NOVA1: variants seen among roughly 807,000 people sequenced by gnomAD.
NOVA1 encodes the protein NOVA alternative splicing regulator 1.
A neutral mutation model predicts 38.0 loss-of-function variants in NOVA1; 7 were observed. The ratio of observed to expected loss-of-function variants is 0.18; its 90% CI spans 0.10 to 0.35. NOVA1 has a LOEUF of 0.35. Among genes scored for constraint, NOVA1 ranks in the 10% least tolerant of loss-of-function variants. NOVA1 has a pLI of 1.00. For missense variants in NOVA1, 460 were observed against 616.0 expected, an observed-to-expected ratio of 0.75 and a Z score of 2.68; for synonymous variants, 270 against 232.5, an observed-to-expected ratio of 1.16 and a Z score of -1.47.
At chr14:26,506,737 G>A (rs564616415) in intron 2 of NOVA1, among the ~76,000 whole-genome samples, 1 of 152,030 alleles carries the variant, frequency 6.6e-6, no homozygotes, top group South Asian at 2.1e-4. Flanking sequence ...CTGCCACCAC[G>A]CCCAGCTAAT....
chr14:26,488,152 T>C (rs983527550), intron 2 of NOVA1, among the ~76,000 whole-genome samples: 5 of 152,154 alleles, frequency 3.3e-5, no homozygotes, highest in Non-Finnish European at 7.4e-5. Context: ...CTCTCTACTT[T>C]TAAACTGCAA....
chr14:26,546,560 A>G (rs917405010), intron 2 of NOVA1, among the ~76,000 whole-genome samples: 6 of 152,204 alleles, frequency 3.9e-5, no homozygotes, highest in African/African-American at 1.2e-4. Context: ...AAATTCTGCA[A>G]TGAAAAATAT....
At chr14:26,549,384 ATAT>A (rs1891032156) in intron 2 of NOVA1, 1 of 150,062 alleles carries the variant, frequency 6.7e-6, no homozygotes, top group African/African-American at 2.5e-5. Flanking sequence ...AAATCTTATA[ATAT>A]TGATTTGGTT....
At chr14:26,486,351 C>T (rs117604067) in intron 2 of NOVA1, among the ~76,000 whole-genome samples, 1,557 of 152,040 alleles carry the variant, frequency 0.01, 10 homozygotes, top group Non-Finnish European at 0.017. Context: ...TTTGCTGTTT[C>T]TAGTCCTCAG....
At chr14:26,517,269 A>G (rs1290536853) in intron 2 of NOVA1, among the ~76,000 whole-genome samples, 1 of 152,098 alleles carries the variant, frequency 6.6e-6, no homozygotes, top group East Asian at 1.9e-4. Flanking sequence ...TTCTTGAAGT[A>G]CCTGGCTCTT....
intron 2 of NOVA1, among the ~76,000 whole-genome samples, chr14:26,522,430 T>C (rs1325917095): frequency 6.6e-6 from 1 of 152,180 alleles, no homozygotes; most frequent in Non-Finnish European, 1.5e-5. Flanking sequence ...TCAAAAACTA[T>C]TGTTAACATG....
chr14:26,571,061 A>G (rs1892443030), intron 2 of NOVA1, among the ~76,000 whole-genome samples: 1 of 151,062 alleles, frequency 6.6e-6, no homozygotes, highest in Non-Finnish European at 1.5e-5. Context: ...GCTGGTGAAG[A>G]GCAATAATTG....
chr14:26,452,588 G>A (rs1444992205), intron 4 of NOVA1, among the ~76,000 whole-genome samples: 1 of 152,164 alleles, frequency 6.6e-6, no homozygotes, highest in Admixed American at 6.5e-5. Context: ...CTGTATACAT[G>A]GATTCATTTT....
At chr14:26,578,314 C>T (rs187954896) in intron 2 of NOVA1, among the ~76,000 whole-genome samples, 4 of 151,058 alleles carry the variant, frequency 2.6e-5, no homozygotes, top group African/African-American at 7.3e-5. Context: ...ACCGTTAATG[C>T]CATAATTACC....
At chr14:26,589,131 A>G (rs961483697) in intron 2 of NOVA1, among the ~76,000 whole-genome samples, 39 of 151,692 alleles carry the variant, frequency 2.6e-4, no homozygotes, top group African/African-American at 9.2e-4. Flanking sequence ...CTGCTTTACA[A>G]AGACTTCAAA....
intron 2 of NOVA1, among the ~76,000 whole-genome samples, chr14:26,558,174 T>TTA (rs1030187897): frequency 9.0e-4 from 135 of 150,400 alleles, no homozygotes; most frequent in East Asian, 2.7e-3. Flanking sequence ...TTTACAAATC[T>TTA]TATATATATA....
chr14:26,517,499 C>T (rs1386613979), intron 2 of NOVA1, among the ~76,000 whole-genome samples: 2 of 151,952 alleles, frequency 1.3e-5, no homozygotes, highest in Non-Finnish European at 2.9e-5. Context: ...ATTTCAGGTA[C>T]CTGAACATGT....
At chr14:26,582,410 T>G (rs1893278600) in intron 2 of NOVA1, among the ~76,000 whole-genome samples, 1 of 151,846 alleles carries the variant, frequency 6.6e-6, no homozygotes, top group African/African-American at 2.4e-5. Flanking sequence ...AACTGGAATA[T>G]GAATTTAAAG....
At chr14:26,550,872 G>A (rs1891118907) in intron 2 of NOVA1, among the ~76,000 whole-genome samples, 2 of 152,048 alleles carry the variant, frequency 1.3e-5, no homozygotes, top group Admixed American at 1.3e-4. Context: ...ACTCAGTGGA[G>A]TTAGAGATAG....
chr14:26,597,731 G>T lies in NOVA1; in HGVS notation c.-295C>A. On this transcript the variant is annotated 5_prime_UTR_variant, in exon 1 of 5. Transcript: ENST00000539517. ...GAAAGAAGAAGAAGAAAGGAGACAG[G>T]GGGAGAGAGTGGAGAAGGGAGAGGG... The T allele has an allele frequency of 9.2e-7, 1 of 1,081,294 alleles. No individual in the cohort carries two copies. The highest frequency in any genetic ancestry group is 1.1e-6 in the Non-Finnish European group (1 of 892,846). 67.0% of individuals were successfully genotyped at this position (1,081,294 alleles called of 1,614,324 possible).
At chr14:26,508,289 T>A (rs1180905861) in intron 2 of NOVA1, among the ~76,000 whole-genome samples, 1 of 152,066 alleles carries the variant, frequency 6.6e-6, no homozygotes, top group East Asian at 1.9e-4. Flanking sequence ...AATTAGGATA[T>A]AATTTTCCTA....
chr14:26,444,570 A>C lies in NOVA1; in HGVS notation c.*3389T>G, dbSNP rs1881927345. Reference sequence around the variant, plus strand: ...GAGCTTAGATCTATTGTAAGCAATGAGTCGAAATGAGCCGTTACAGGTTAG... The same window carrying C: ...GAGCTTAGATCTATTGTAAGCAATGCGTCGAAATGAGCCGTTACAGGTTAG... On this transcript the variant is annotated 3_prime_UTR_variant, in exon 5 of 5. Coordinates refer to ENST00000539517, the MANE Select transcript of NOVA1 (RefSeq NM_002515.3). 1 of 152,146 alleles carries C rather than the reference A, an allele frequency of 6.6e-6. No individual in the cohort carries two copies. The highest frequency in any genetic ancestry group is 2.4e-5 in the African/African-American group (1 of 41,448). 9.4% of individuals were successfully genotyped at this position (152,146 alleles called of 1,614,324 possible). A position where few individuals can be genotyped will look rare whatever the true frequency, so the allele number is the denominator to read the frequency against.
At chr14:26,532,493 A>T (rs1318052030) in intron 2 of NOVA1, among the ~76,000 whole-genome samples, 2 of 152,216 alleles carry the variant, frequency 1.3e-5, no homozygotes, top group African/African-American at 4.8e-5. Context: ...AGTGACAGAA[A>T]ACAGATCACT....
chr14:26,465,978 A>AG (rs952395769), intron 4 of NOVA1, among the ~76,000 whole-genome samples: 7 of 152,126 alleles, frequency 4.6e-5, no homozygotes, highest in Non-Finnish European at 7.4e-5. Context: ...TCAGGAGTAC[A>AG]GGGGGGGAAG....
Sources: gnomAD v4.1 joint callset for allele counts (sites outside exome capture counted in the v4.1 genomes callset) on GRCh38, gnomAD v4.1.1 for gene constraint, MANE v1.5 for transcripts, NCBI Gene and HGNC (gene_info 2026-07-23, HGNC 2026-07-21) for gene names.